The following IRGM variants were observed in gnomAD, a reference collection of about 807,000 sequenced individuals.
IRGM encodes the protein immunity-related GTPase family M protein.
For missense variants in IRGM, 288 were observed against 219.9 expected (o/e 1.31, Z -1.96); for synonymous variants, 98 against 80.6 (o/e 1.22, Z -1.16).
intron 1 of IRGM, among the ~76,000 whole-genome samples, chr5:150,871,534 AAATAGTTTAT>A (rs2113277404): frequency 6.6e-6 from 1 of 152,322 alleles, no homozygotes; most frequent in East Asian, 1.9e-4. Flanking sequence ...GAGGGACCTA[AAATAGTTTAT>A]AACAGCCTGG....
chr5:150,851,537 TTTTTG>T (rs1188984765), downstream of IRGM, among the ~76,000 whole-genome samples: 3 of 152,156 alleles, frequency 2.0e-5, no homozygotes, highest in Non-Finnish European at 2.9e-5. Flanking sequence ...ATGATTGAAT[TTTTTG>T]TTTTGTTCCT....
chr5:150,895,734 A>C (rs1204893805), intron 3 of IRGM: 2 of 1,613,540 alleles, frequency 1.2e-6, no homozygotes, highest in Non-Finnish European at 1.7e-6. Context: ...CTTCTGGCAG[A>C]AGGCTTTGCC....
chr5:150,901,976 G>A (rs1430114855), downstream of IRGM, among the ~76,000 whole-genome samples: 1 of 152,010 alleles, frequency 6.6e-6, no homozygotes, highest in Admixed American at 6.6e-5. Context: ...AAGAAAATAA[G>A]AGACATTCTC....
intron 1 of IRGM, among the ~76,000 whole-genome samples, chr5:150,862,601 C>T (rs80100998): frequency 0.029 from 4,342 of 152,290 alleles, 153 homozygotes; most frequent in South Asian, 0.076. Context: ...CTCTTTTATT[C>T]TCTCCCCAAG....
At chr5:150,865,323 A>G (rs1210661097) in intron 1 of IRGM, among the ~76,000 whole-genome samples, 1 of 151,922 alleles carries the variant, frequency 6.6e-6, no homozygotes, top group Non-Finnish European at 1.5e-5. Flanking sequence ...GAACTAAAAC[A>G]GGCAGGAGAA....
intron 1 of IRGM, among the ~76,000 whole-genome samples, chr5:150,872,728 G>A (rs181598724): frequency 7.4e-4 from 113 of 152,274 alleles, no homozygotes; most frequent in South Asian, 2.5e-3. Flanking sequence ...TTGGTTAGCT[G>A]AAATATGGGT....
At chr5:150,877,272 C>T (rs568708038) in intron 1 of IRGM, among the ~76,000 whole-genome samples, 1 of 152,212 alleles carries the variant, frequency 6.6e-6, no homozygotes, top group South Asian at 2.1e-4. Flanking sequence ...AGTCAGTGGA[C>T]TGGGAAAGGC....
chr5:150,869,395 G>T (rs945946985), intron 1 of IRGM, among the ~76,000 whole-genome samples: 15 of 151,974 alleles, frequency 9.9e-5, no homozygotes, highest in African/African-American at 3.1e-4. Flanking sequence ...ATTTTGTTGA[G>T]GATTTTTGTA....
intron 3 of IRGM, chr5:150,894,537 A>G (rs1754682468): frequency 6.6e-6 from 1 of 152,312 alleles, no homozygotes. Context: ...ATAGGCAATC[A>G]AAAGCAGAGT....
At chr5:150,896,047 T>TAATC in intron 3 of IRGM, 2 of 1,613,362 alleles carry the variant, frequency 1.2e-6, no homozygotes, top group African/African-American at 1.3e-5. Flanking sequence ...CTGTGGTGTA[T>TAATC]AATCAGCTGT....
At chr5:150,886,109 T>TG (rs1208980658) in intron 3 of IRGM, among the ~76,000 whole-genome samples, 4 of 152,120 alleles carry the variant, frequency 2.6e-5, no homozygotes, top group East Asian at 3.9e-4. Context: ...GCTTTTAAGA[T>TG]GAAAGCATGT....
At chr5:150,853,809 T>A (rs761579492) in intron 1 of IRGM, among the ~76,000 whole-genome samples, 1 of 152,100 alleles carries the variant, frequency 6.6e-6, no homozygotes, top group Non-Finnish European at 1.5e-5. Context: ...TCCTGAGATC[T>A]ATAGTGAATC....
chr5:150,857,900 C>A (rs1223910809), intron 1 of IRGM, among the ~76,000 whole-genome samples: 2 of 150,672 alleles, frequency 1.3e-5, no homozygotes, highest in African/African-American at 2.4e-5. Flanking sequence ...ATGGTAGTTT[C>A]TTTTGCTGTG....
intron 3 of IRGM, chr5:150,896,128 G>A: frequency 6.2e-7 from 1 of 1,613,352 alleles, no homozygotes; most frequent in Non-Finnish European, 8.5e-7. Context: ...ATTCTCTGAT[G>A]TATAATGAGG....
chr5:150,871,784 A>G (rs1168418044), intron 1 of IRGM, among the ~76,000 whole-genome samples: 1 of 152,220 alleles, frequency 6.6e-6, no homozygotes, highest in African/African-American at 2.4e-5. Context: ...TCTGTTTCAA[A>G]CAAATTGTTT....
chr5:150,888,423 T>C (rs1307378615), intron 3 of IRGM, among the ~76,000 whole-genome samples: 1 of 152,010 alleles, frequency 6.6e-6, no homozygotes, highest in Non-Finnish European at 1.5e-5. Context: ...CAAAGATATT[T>C]AGGACCCAAA....
At chr5:150,875,437 T>C (rs1386786649) in intron 1 of IRGM, among the ~76,000 whole-genome samples, 2 of 152,218 alleles carry the variant, frequency 1.3e-5, no homozygotes, top group Non-Finnish European at 2.9e-5. Context: ...GCAAGAAATA[T>C]GACTGGAAAA....
intron 2 of IRGM, chr5:150,878,171 CTT>C (rs35792893): frequency 0.18 from 61,324 of 348,708 alleles, 8,291 homozygotes; most frequent in African/African-American, 0.45. Context: ...AAATAGTAAA[CTT>C]TTTTTTTTGT....
Position 150,848,009 on chromosome 5 carries a change from G to A in IRGM, c.-115G>A, listed in dbSNP as rs1355536962. 4 of 778,516 alleles carry A rather than the reference G, an allele frequency of 5.1e-6. No individual in the cohort carries two copies. The highest frequency in any genetic ancestry group is 2.9e-5 in the Admixed American group (1 of 34,194). The allele number at this position is 778,516 out of a possible 1,614,324, so 48.2% of individuals were successfully genotyped here. On this transcript the variant is annotated 5_prime_UTR_variant, in exon 2 of 2. Transcript: ENST00000522154. ...TAGTAGAGAAGGTTTCACGATGTTGGCCAGGATGGTCTCAATCTCCTGACC... is the reference window on the plus strand; with the variant it reads ...TAGTAGAGAAGGTTTCACGATGTTGACCAGGATGGTCTCAATCTCCTGACC...
Sources: allele counts gnomAD v4.1 joint callset (sites outside exome capture counted in the v4.1 genomes callset), GRCh38; gene constraint gnomAD v4.1.1; transcripts MANE v1.5; gene names NCBI Gene and HGNC (gene_info 2026-07-23, HGNC 2026-07-21).